Variants in PKP2 observed in about 807,000 individuals in gnomAD.
PKP2 encodes the protein plakophilin-2.
PKP2 carries 73 observed loss-of-function variants against 83.4 expected under a neutral mutation model. The ratio of observed to expected loss-of-function variants is 0.88; its 90% CI spans 0.72 to 1.06. The LOEUF is 1.06. Among genes scored for constraint, PKP2 ranks in the 50% least tolerant of loss-of-function variants. The pLI, the probability that PKP2 is intolerant of heterozygous loss-of-function variation, is 0.00. For synonymous variants in PKP2, 409 were observed against 430.4 expected (o/e 0.95, Z 0.62); for missense variants, 966 against 1,065.4 (o/e 0.91, Z 1.30).
chr12:32,814,496 C>T (rs1486740261), intron 9 of PKP2, among the ~76,000 whole-genome samples: 1 of 152,154 alleles, frequency 6.6e-6, no homozygotes, highest in African/African-American at 2.4e-5. Context: ...CTCCCTCCTA[C>T]CATGTTTCTC....
intron 1 of PKP2, among the ~76,000 whole-genome samples, chr12:32,885,667 C>CA: frequency 6.6e-6 from 1 of 151,024 alleles, no homozygotes; most frequent in South Asian, 2.1e-4. Context: ...CCGTCCCCCC[C>CA]CCAAAAAAAA....
At chr12:32,793,053 C>T (rs1037602227) in intron 11 of PKP2, among the ~76,000 whole-genome samples, 4 of 151,970 alleles carry the variant, frequency 2.6e-5, no homozygotes, top group African/African-American at 4.8e-5. Context: ...CCATCCTGGC[C>T]AACATGGTGA....
At chr12:32,805,730 C>A (rs1956220316) in intron 9 of PKP2, among the ~76,000 whole-genome samples, 1 of 152,148 alleles carries the variant, frequency 6.6e-6, no homozygotes, top group Non-Finnish European at 1.5e-5. Context: ...AGTTTGAAGT[C>A]AGGTAGCATG....
At chr12:32,843,344 T>A (rs1235291048) in intron 5 of PKP2, 1 of 1,362,946 alleles carries the variant, frequency 7.3e-7, no homozygotes, top group South Asian at 1.1e-5. Flanking sequence ...GCATAGGTAC[T>A]CAGGGCAGGC....
chr12:32,877,366 C>T (rs1225695805), intron 3 of PKP2, among the ~76,000 whole-genome samples: 1 of 152,104 alleles, frequency 6.6e-6, no homozygotes, highest in African/African-American at 2.4e-5. Context: ...CTAAAAGGTA[C>T]CAAGTACCAA....
At chr12:32,867,857 A>G (rs1456572510) in intron 4 of PKP2, among the ~76,000 whole-genome samples, 2 of 152,198 alleles carry the variant, frequency 1.3e-5, no homozygotes, top group African/African-American at 4.8e-5. Context: ...TTCACTGAAC[A>G]CCTTTTTGAG....
In PKP2 at chr12:32,802,521, C is replaced by T; in HGVS notation, c.2049G>A (p.Lys683=). 6.2e-7 allele frequency: 1 copy of T among 1,614,158 alleles called. No homozygotes were observed. Among genetic ancestry groups the T allele is most frequent in the Non-Finnish European group, 8.5e-7 (1 of 1,179,998 alleles). The change falls in exon 10 of 13, where the codon AAG becomes AAA. Residue 683 remains lysine, a synonymous_variant. Transcript: ENST00000340811. ...PTSVAQTVVQ[K]ESGLQHTRKM... is the part of the protein sequence containing the mutation. ...TTCGGGTGTGCTGCAGGCCACTTTC[C>T]TTCTGGACAACTGTCTGAGCCACTG...
Position 32,796,144 on chromosome 12 carries a change from G to GC in PKP2, c.2321dup (p.Ile775HisfsTer8). The GC allele has an allele frequency of 2.5e-6, 4 of 1,614,080 alleles. No individual in the cohort carries two copies. The highest frequency in any genetic ancestry group is 3.4e-6 in the Non-Finnish European group (4 of 1,180,010). On this transcript the variant is annotated frameshift_variant, in exon 11 of 13. Coordinates refer to ENST00000340811, the MANE Select transcript of PKP2 (RefSeq NM_001005242.3). LOFTEE classifies it high-confidence loss of function. ...CACTAATGGCCATAATTTTCTGGAT[G>GC]CCCCCGGTGTTTAGAAGGTCGCGTG...
chr12:32,794,516 C>T (rs116386206), intron 11 of PKP2, among the ~76,000 whole-genome samples: 198 of 152,256 alleles, frequency 1.3e-3, no homozygotes, highest in African/African-American at 4.5e-3. Context: ...AGTGGACACT[C>T]GGAAATAAAC....
intron 6 of PKP2, 53 bp from the exon 7 acceptor site, chr12:32,824,215 G>T (rs1279101205): frequency 7.3e-6 from 9 of 1,235,132 alleles, no homozygotes; most frequent in Non-Finnish European, 1.2e-6. Flanking sequence ...GTATCCAACA[G>T]GTCTTTGTTT....
chr12:32,863,890 A>G (rs2137903668), intron 4 of PKP2, among the ~76,000 whole-genome samples: 1 of 152,350 alleles, frequency 6.6e-6, no homozygotes, highest in South Asian at 2.1e-4. Flanking sequence ...TGTCTTTTAC[A>G]CAGACGTAAA....
At chr12:32,815,384 G>A (rs560474018) in intron 9 of PKP2, among the ~76,000 whole-genome samples, 1 of 152,070 alleles carries the variant, frequency 6.6e-6, no homozygotes, top group East Asian at 1.9e-4. Flanking sequence ...CTCCTAAACT[G>A]CCTATCTCTC....
At position 32,792,352 on chromosome 12, in the gene PKP2, T is replaced by C; in HGVS notation, c.*72A>G. ...AACAAGGCATGCTTTTGAGGTTTCT[T>C]GGGCTGGGTAGTAGAAAAATAGGTG... On this transcript the variant is annotated 3_prime_UTR_variant, in exon 13 of 13. Transcript: ENST00000340811. 1.8e-6 allele frequency: 2 copies of C among 1,087,546 alleles called. No individual in the cohort carries two copies. The highest frequency in any genetic ancestry group is 1.4e-6 in the Non-Finnish European group (1 of 699,916). 67.4% of individuals were successfully genotyped at this position (1,087,546 alleles called of 1,614,324 possible). A position where few individuals can be genotyped will look rare whatever the true frequency, so the allele number is the denominator to read the frequency against.
intron 1 of PKP2, among the ~76,000 whole-genome samples, chr12:32,881,788 C>G (rs569652057): frequency 6.6e-6 from 1 of 152,294 alleles, no homozygotes; most frequent in South Asian, 2.1e-4. Context: ...TGTGAGCCAC[C>G]GTGTCTGGCC....
intron 4 of PKP2, among the ~76,000 whole-genome samples, chr12:32,854,247 G>A (rs1956725962): frequency 6.6e-6 from 1 of 152,150 alleles, no homozygotes; most frequent in Non-Finnish European, 1.5e-5. Flanking sequence ...CCCTTACCCT[G>A]TCACCTTTAT....
intron 5 of PKP2, 61 bp from the exon 6 acceptor site, chr12:32,841,266 A>G: frequency 7.2e-7 from 1 of 1,385,920 alleles, no homozygotes; most frequent in Non-Finnish European, 1.0e-6. Context: ...GACCGCTGAA[A>G]AGTTCAGTCA....
chr12:32,885,210 C>T (rs1035029721), intron 1 of PKP2, among the ~76,000 whole-genome samples: 3 of 152,042 alleles, frequency 2.0e-5, no homozygotes, highest in African/African-American at 7.2e-5. Flanking sequence ...GAGGTGAAGC[C>T]GTCACAGGAC....
chr12:32,885,265 A>G (rs79323236), intron 1 of PKP2, among the ~76,000 whole-genome samples: 3,012 of 152,306 alleles, frequency 0.02, 53 homozygotes, highest in South Asian at 0.037. Flanking sequence ...CATTGGAATG[A>G]TATGATTCCT....
intron 9 of PKP2, chr12:32,820,492 A>G (rs1179425558): frequency 6.6e-6 from 1 of 152,248 alleles, no homozygotes; most frequent in Non-Finnish European, 1.5e-5. Flanking sequence ...GCATCTGGAA[A>G]GAGGATCAGC....
Sources: allele counts gnomAD v4.1 joint callset (sites outside exome capture counted in the v4.1 genomes callset), GRCh38; gene constraint gnomAD v4.1.1; transcripts MANE v1.5; gene names NCBI Gene and HGNC (gene_info 2026-07-23, HGNC 2026-07-21).